CPQ: variants seen among roughly 807,000 people sequenced by gnomAD.
CPQ encodes the protein Ser-Met dipeptidase.
In CPQ, 37 loss-of-function variants were observed where a neutral mutation model predicts 45.7. The observed-to-expected ratio is 0.81, with a 90% CI of 0.62 to 1.07. The LOEUF (loss-of-function observed/expected upper bound fraction) is 1.07. Among genes scored for constraint, CPQ ranks in the 50% least tolerant of loss-of-function variants. The pLI is 0.00. For missense variants in CPQ, 537 were observed against 572.9 expected (o/e 0.94, Z 0.64); for synonymous variants, 186 against 205.8 (o/e 0.90, Z 0.82).
chr8:97,123,139 A>AAAATT (rs1811772316), intron 7 of CPQ, among the ~76,000 whole-genome samples: 1 of 106,758 alleles, frequency 9.4e-6, no homozygotes, highest in Non-Finnish European at 1.8e-5. Flanking sequence ...AAAATAAAAT[A>AAAATT]AAATAAAATA....
chr8:96,700,726 G>A (rs1226152627), intron 1 of CPQ, among the ~76,000 whole-genome samples: 1 of 152,114 alleles, frequency 6.6e-6, no homozygotes, highest in African/African-American at 2.4e-5. Context: ...CTGCTCTAAT[G>A]CGTGGGTGGA....
chr8:96,839,581 A>G (rs1811578808), intron 3 of CPQ, among the ~76,000 whole-genome samples: 1 of 152,156 alleles, frequency 6.6e-6, no homozygotes. Flanking sequence ...GTCTTGCATT[A>G]TTTCTCTAAT....
chr8:97,114,128 G>T (rs185633047), intron 7 of CPQ, among the ~76,000 whole-genome samples: 1 of 152,188 alleles, frequency 6.6e-6, no homozygotes, highest in Non-Finnish European at 1.5e-5. Flanking sequence ...AGATTTAATT[G>T]TCCTTTGAAG....
At chr8:96,915,074 C>G (rs979858763) in intron 4 of CPQ, among the ~76,000 whole-genome samples, 25 of 152,152 alleles carry the variant, frequency 1.6e-4, no homozygotes, top group Non-Finnish European at 2.9e-4. Flanking sequence ...CCTCACATGA[C>G]TGGAAAGCTT....
At chr8:96,808,307 G>T (rs1811112386) in intron 2 of CPQ, among the ~76,000 whole-genome samples, 1 of 152,126 alleles carries the variant, frequency 6.6e-6, no homozygotes, top group African/African-American at 2.4e-5. Flanking sequence ...GTGAAGCTTG[G>T]TAGTTTAGCT....
rs536754756 is a variant in CPQ, at chr8:97,093,172, A to T, written c.1255+26962A>T. On this transcript the variant is annotated intron_variant, in intron 7 of 7. Transcript: ENST00000220763. ...TTACTACAATGTCAAAAAATAACAG[A>T]TGCTGGCAAAGTTGCAGAGAAAAAA... Among the ~76,000 whole-genome samples the T allele has an allele frequency of 6.6e-5, 10 of 152,260 alleles. No individual in the cohort carries two copies. The South Asian group carries it at 2.1e-3, about 32-fold the overall frequency.
intron 1 of CPQ, among the ~76,000 whole-genome samples, chr8:96,709,918 C>T (rs1586367793): frequency 6.6e-6 from 1 of 151,798 alleles, no homozygotes; most frequent in East Asian, 1.9e-4. Context: ...GGGAGGATTC[C>T]TTCTTTCTCA....
chr8:96,974,191 A>G (rs1023738594), intron 5 of CPQ, among the ~76,000 whole-genome samples: 2 of 152,202 alleles, frequency 1.3e-5, no homozygotes, highest in Non-Finnish European at 2.9e-5. Context: ...CTCCATGCAA[A>G]TGGACACCAA....
intron 1 of CPQ, among the ~76,000 whole-genome samples, chr8:96,734,013 A>T (rs1390791428): frequency 6.6e-6 from 1 of 152,206 alleles, no homozygotes; most frequent in Non-Finnish European, 1.5e-5. Context: ...TGGCCCTGAC[A>T]TGCCTGTCAT....
At chr8:97,007,311 C>T (rs1809400766) in intron 5 of CPQ, among the ~76,000 whole-genome samples, 1 of 152,324 alleles carries the variant, frequency 6.6e-6, no homozygotes, top group African/African-American at 2.4e-5. Context: ...AGATCTTTAT[C>T]TTTGAGTTCT....
intron 7 of CPQ, among the ~76,000 whole-genome samples, chr8:97,071,111 T>A (rs566074848): frequency 6.6e-6 from 1 of 152,312 alleles, no homozygotes; most frequent in South Asian, 2.1e-4. Context: ...CTTTTTGTTG[T>A]TGTTGTTTTT....
chr8:96,678,636 G>T (rs188812735), intron 1 of CPQ, among the ~76,000 whole-genome samples: 7 of 151,632 alleles, frequency 4.6e-5, no homozygotes, highest in African/African-American at 7.3e-5. Flanking sequence ...TCTTTTATTT[G>T]CATTTCCTTC....
chr8:96,805,718 G>C (rs1811070601), intron 2 of CPQ, among the ~76,000 whole-genome samples: 1 of 151,954 alleles, frequency 6.6e-6, no homozygotes, highest in Non-Finnish European at 1.5e-5. Context: ...TCACCCCACT[G>C]TAACTTGTCC....
At chr8:97,098,168 A>G (rs916839261) in intron 7 of CPQ, among the ~76,000 whole-genome samples, 9 of 152,116 alleles carry the variant, frequency 5.9e-5, no homozygotes, top group African/African-American at 2.2e-4. Flanking sequence ...CCAACTTTAC[A>G]CTACTCTCTT....
At chr8:96,672,121 A>C (rs993403277) in intron 1 of CPQ, among the ~76,000 whole-genome samples, 7 of 152,126 alleles carry the variant, frequency 4.6e-5, no homozygotes, top group African/African-American at 1.4e-4. Flanking sequence ...AGGAGGCAAA[A>C]ATAAAGCTTC....
intron 2 of CPQ, among the ~76,000 whole-genome samples, chr8:96,793,067 T>G (rs1340485008): frequency 6.6e-6 from 1 of 151,994 alleles, no homozygotes; most frequent in African/African-American, 2.4e-5. Context: ...ACTGAGTCCC[T>G]CAATAAGATT....
At chr8:97,078,671 C>G (rs1810890912) in intron 7 of CPQ, among the ~76,000 whole-genome samples, 1 of 150,820 alleles carries the variant, frequency 6.6e-6, no homozygotes, top group South Asian at 2.1e-4. Flanking sequence ...TTCTGTAGTT[C>G]TTTTTGTTTT....
At chr8:97,091,850 G>GAATA (rs1186451780) in intron 7 of CPQ, among the ~76,000 whole-genome samples, 1 of 129,826 alleles carries the variant, frequency 7.7e-6, no homozygotes, top group Non-Finnish European at 1.8e-5. Context: ...AAAGATGGAT[G>GAATA]GATAGATGGA....
intron 1 of CPQ, chr8:96,732,401 G>A (rs968203544): frequency 1.3e-5 from 2 of 152,176 alleles, no homozygotes; most frequent in African/African-American, 4.8e-5. Flanking sequence ...AGCGGTAGGT[G>A]CTTAGGCCAA....
Sources: gnomAD v4.1 joint callset for allele counts (sites outside exome capture counted in the v4.1 genomes callset) on GRCh38, gnomAD v4.1.1 for gene constraint, MANE v1.5 for transcripts, NCBI Gene and HGNC (gene_info 2026-07-23, HGNC 2026-07-21) for gene names.